The following CHL1 variants were observed in gnomAD, a reference collection of about 807,000 sequenced individuals.
The protein encoded by CHL1 is cell adhesion molecule L1 like.
In CHL1, 96 loss-of-function variants were observed where a neutral mutation model predicts 141.9. That is an observed-to-expected ratio of 0.68 (90% CI 0.57 to 0.80). The LOEUF (loss-of-function observed/expected upper bound fraction) is 0.80, where lower values mean the gene tolerates loss of function less well. CHL1 is among the 30% of genes least tolerant of loss of function. The probability of loss-of-function intolerance (pLI) is 0.00; values close to 1 mark genes in which losing one functional copy is unlikely to be tolerated. For missense variants in CHL1, 1,820 were observed against 1,457.2 expected (o/e 1.25, Z -4.05); for synonymous variants, 613 against 502.2 (o/e 1.22, Z -2.95).
chr3:240,903 C>T (rs1250638836), intron 1 of CHL1, among the ~76,000 whole-genome samples: 1 of 152,078 alleles, frequency 6.6e-6, no homozygotes, highest in Non-Finnish European at 1.5e-5. Flanking sequence ...GATCAGTTGG[C>T]TGTAAGTATT....
intron 2 of CHL1, among the ~76,000 whole-genome samples, chr3:274,361 T>C (rs1424923879): frequency 6.6e-6 from 1 of 152,166 alleles, no homozygotes; most frequent in African/African-American, 2.4e-5. Context: ...TATTCAGAAA[T>C]CTTACTATTT....
chr3:325,846 G>A lies in CHL1; in HGVS notation c.92-113G>A, dbSNP rs372839659. On this transcript the variant is annotated intron_variant, in intron 3 of 27. Transcript: ENST00000256509. Reference sequence around the variant, plus strand: ...GAGATTTATTCTGATTTTCACTTTTGTATCATCCTTTCACTTATCAGTATA... The same window carrying A: ...GAGATTTATTCTGATTTTCACTTTTATATCATCCTTTCACTTATCAGTATA... 323 of 601,762 alleles carry A rather than the reference G, an allele frequency of 5.4e-4. 5 individuals carry two copies. In the East Asian group the frequency reaches 5.4e-3, roughly 10 times the overall value. The allele number at this position is 601,762 out of a possible 1,614,324, so 37.3% of individuals were successfully genotyped here.
At chr3:236,671 A>G (rs1574810682) in intron 1 of CHL1, among the ~76,000 whole-genome samples, 1 of 152,154 alleles carries the variant, frequency 6.6e-6, no homozygotes, top group African/African-American at 2.4e-5. Context: ...AGGTTGTAGA[A>G]AACATTATAC....
At chr3:213,954 T>A (rs1700098945) in intron 1 of CHL1, among the ~76,000 whole-genome samples, 1 of 152,148 alleles carries the variant, frequency 6.6e-6, no homozygotes, top group Non-Finnish European at 1.5e-5. Flanking sequence ...TCACATATTA[T>A]AAAACAGGAG....
In CHL1 at chr3:314,327, G is replaced by GTATA. The variant is rs1410311860; in HGVS notation, c.-94-5355_-94-5354insATAT. 1.3e-3 allele frequency among the ~76,000 whole-genome samples: 73 copies of GTATA among 57,012 alleles called. 1 individual carries two copies. The highest frequency in any genetic ancestry group is 3.5e-3 in the African/African-American group (67 of 19,056). The allele number at this position is 57,012 out of a possible 152,430, so 37.4% of individuals were successfully genotyped here. On this transcript the variant is annotated intron_variant, in intron 2 of 27. Transcript: ENST00000256509. Reference sequence around the variant, plus strand: ...TCTCTCTTTCTCTCTCTCTCTCTATGTGTATATATATATATATATATATAT... The same window carrying GTATA: ...TCTCTCTTTCTCTCTCTCTCTCTATGTATATGTATATATATATATATATATATAT...
chr3:337,911 T>C (rs1055027124), intron 5 of CHL1, among the ~76,000 whole-genome samples: 4 of 152,204 alleles, frequency 2.6e-5, no homozygotes, highest in Non-Finnish European at 5.9e-5. Flanking sequence ...CTGGGTCAAA[T>C]GGTATTTCTA....
intron 16 of CHL1, among the ~76,000 whole-genome samples, chr3:378,217 G>C (rs541014759): frequency 3.9e-5 from 6 of 152,122 alleles, no homozygotes; most frequent in Non-Finnish European, 8.8e-5. Context: ...AATAAAGCAC[G>C]CTTGAGTTCC....
intron 2 of CHL1, among the ~76,000 whole-genome samples, chr3:310,647 A>G (rs768786664): frequency 6.6e-6 from 1 of 152,152 alleles, no homozygotes; most frequent in Non-Finnish European, 1.5e-5. Context: ...TTTCTCTCAT[A>G]CTACCGGTTC....
intron 16 of CHL1, among the ~76,000 whole-genome samples, chr3:381,027 A>T (rs190960805): frequency 5.9e-5 from 9 of 152,268 alleles, no homozygotes; most frequent in Non-Finnish European, 8.8e-5. Context: ...GGGTATACCT[A>T]ATCCCCATCC....
At chr3:329,858 A>T (rs1701303143) in intron 5 of CHL1, among the ~76,000 whole-genome samples, 1 of 152,134 alleles carries the variant, frequency 6.6e-6, no homozygotes, top group Admixed American at 6.5e-5. Flanking sequence ...CATGGAAATT[A>T]ATTTACTAGA....
intron 9 of CHL1, among the ~76,000 whole-genome samples, 199 bp from the exon 10 acceptor site, chr3:349,160 G>C (rs1703023442): frequency 6.6e-6 from 1 of 152,184 alleles, no homozygotes; most frequent in Admixed American, 6.5e-5. Flanking sequence ...GGAACTTTCA[G>C]TGAAAGAGAC....
In CHL1 at chr3:278,502, C is replaced by G. The variant is rs532212034; in HGVS notation, c.-95+33810C>G. ...ACACTACTGCAAGCGTTCGTTAGTA[C>G]CTCTCAAAGCAATGAACCATGGCCA... On this transcript the variant is annotated intron_variant, in intron 2 of 27. Transcript: ENST00000256509. Among the ~76,000 whole-genome samples the G allele has an allele frequency of 2.0e-5, 3 of 152,264 alleles. No homozygotes were observed. In the South Asian group the frequency reaches 6.2e-4, roughly 32 times the overall value.
intron 2 of CHL1, among the ~76,000 whole-genome samples, chr3:288,370 T>G (rs1289928636): frequency 6.6e-6 from 1 of 152,128 alleles, no homozygotes; most frequent in African/African-American, 2.4e-5. Context: ...TTTACATATA[T>G]GCATATACAA....
chr3:367,105 C>A (rs565168830), intron 15 of CHL1, among the ~76,000 whole-genome samples: 1 of 152,280 alleles, frequency 6.6e-6, no homozygotes, highest in Non-Finnish European at 1.5e-5. Flanking sequence ...CTTAATAGCA[C>A]TAGATGATAT....
chr3:290,710 T>C (rs528498355), intron 2 of CHL1, among the ~76,000 whole-genome samples: 4 of 152,212 alleles, frequency 2.6e-5, no homozygotes, highest in South Asian at 2.1e-4. Context: ...TTTGGAACTT[T>C]ATGGAATTGC....
chr3:328,075 C>T, intron 4 of CHL1, 92 bp from the exon 5 acceptor site: 1 of 909,762 alleles, frequency 1.1e-6, no homozygotes, highest in Non-Finnish European at 1.7e-6. Context: ...CATAAAATGT[C>T]TTGGTTTTGT....
At chr3:308,809 T>C (rs1270054314) in intron 2 of CHL1, 2 of 161,070 alleles carry the variant, frequency 1.2e-5, no homozygotes, top group East Asian at 3.9e-4. Context: ...GCCCCATCCT[T>C]ATGCGATGCA....
intron 2 of CHL1, among the ~76,000 whole-genome samples, chr3:288,226 A>G (rs890167464): frequency 9.2e-5 from 14 of 152,226 alleles, no homozygotes; most frequent in Non-Finnish European, 1.9e-4. Flanking sequence ...CACTACTTTA[A>G]GATTTTACCT....
intron 2 of CHL1, among the ~76,000 whole-genome samples, chr3:293,709 T>C (rs974659984): frequency 2.0e-5 from 3 of 152,188 alleles, no homozygotes; most frequent in Admixed American, 1.3e-4. Flanking sequence ...CAAATGATGA[T>C]TGTGAGCCAC....
Sources: allele counts gnomAD v4.1 joint callset (sites outside exome capture counted in the v4.1 genomes callset), GRCh38; gene constraint gnomAD v4.1.1; transcripts MANE v1.5; gene names NCBI Gene and HGNC (gene_info 2026-07-23, HGNC 2026-07-21).